The following LIPC variants were observed in gnomAD, a reference collection of about 807,000 sequenced individuals.
LIPC encodes the protein lipase C, hepatic type, also known as hepatic triacylglycerol lipase.
Under a neutral mutation model 50.7 loss-of-function variants are expected in LIPC, and 44 were observed. The observed-to-expected ratio is 0.87, with a 90% confidence interval of 0.68 to 1.11. LIPC has a LOEUF of 1.11. Ranked by LOEUF, LIPC falls within the 50% of genes most tolerant of loss-of-function variation. LIPC has a pLI of 0.00. For synonymous variants in LIPC, 271 were observed against 256.4 expected (o/e 1.06, Z -0.54); for missense variants, 697 against 648.2 (o/e 1.08, Z -0.82).
chr15:58,436,332 G>A, intron 1 of LIPC: 1 of 166,090 alleles, frequency 6.0e-6, no homozygotes, highest in Non-Finnish European at 1.3e-5. Context: ...TCTCATCCTA[G>A]GTGACCCCTG....
At chr15:58,471,073 C>T (rs1311818536) in intron 1 of LIPC, among the ~76,000 whole-genome samples, 6 of 149,546 alleles carry the variant, frequency 4.0e-5, no homozygotes, top group Non-Finnish European at 8.9e-5. Context: ...GGCCTCAGGA[C>T]ATACCCAATG....
At chr15:58,559,223 T>C (rs1894067543) in intron 6 of LIPC, among the ~76,000 whole-genome samples, 1 of 152,202 alleles carries the variant, frequency 6.6e-6, no homozygotes, top group Non-Finnish European at 1.5e-5. Context: ...AATTCTCCTA[T>C]GACAAAGCTT....
intron 1 of LIPC, among the ~76,000 whole-genome samples, chr15:58,438,268 G>A (rs1893377303): frequency 6.6e-6 from 1 of 152,110 alleles, no homozygotes; most frequent in Admixed American, 6.5e-5. Flanking sequence ...AGACAGGGCA[G>A]AACAGTCCCC....
chr15:58,521,668 G>C (rs532587172), intron 1 of LIPC: 1 of 152,696 alleles, frequency 6.5e-6, no homozygotes, highest in East Asian at 1.9e-4. Context: ...ATAGTAGGAG[G>C]GGAAGAAAGA....
chr15:58,494,722 G>A (rs777252330), intron 1 of LIPC: 8 of 454,290 alleles, frequency 1.8e-5, no homozygotes, highest in Non-Finnish European at 3.5e-5. Flanking sequence ...TACAGCTTGG[G>A]TGGGATCTCT....
At chr15:58,528,195 G>A (rs567496108) in intron 1 of LIPC, among the ~76,000 whole-genome samples, 1 of 151,482 alleles carries the variant, frequency 6.6e-6, no homozygotes. Context: ...AATGCTTAAT[G>A]CTTTCCTCAT....
chr15:58,565,947 T>C, intron 8 of LIPC: 1 of 983,594 alleles, frequency 1.0e-6, no homozygotes, highest in Non-Finnish European at 1.2e-6. Flanking sequence ...TTGTGGCTCT[T>C]GGTAGAAATA....
intron 6 of LIPC, among the ~76,000 whole-genome samples, chr15:58,552,384 C>T (rs1171503331): frequency 1.3e-5 from 2 of 152,200 alleles, no homozygotes; most frequent in Non-Finnish European, 2.9e-5. Context: ...CACTTGGCCT[C>T]GGCGTAGGAC....
At chr15:58,567,771 A>G (rs1445737728) in intron 8 of LIPC, among the ~76,000 whole-genome samples, 1 of 152,148 alleles carries the variant, frequency 6.6e-6, no homozygotes, top group African/African-American at 2.4e-5. Flanking sequence ...AGGAAAACAT[A>G]CACAACATGA....
At chr15:58,523,941 A>G (rs1461622523) in intron 1 of LIPC, among the ~76,000 whole-genome samples, 1 of 152,222 alleles carries the variant, frequency 6.6e-6, no homozygotes, top group African/African-American at 2.4e-5. Flanking sequence ...AAAAATACAA[A>G]GAAATAAAAG....
intron 5 of LIPC, among the ~76,000 whole-genome samples, chr15:58,547,698 C>G (rs1022872692): frequency 1.4e-5 from 2 of 147,380 alleles, no homozygotes; most frequent in Admixed American, 6.8e-5. Flanking sequence ...GGGGGTGAGG[C>G]CTGTCCAGAT....
chr15:58,536,310 TG>T (rs1310297868), intron 1 of LIPC, among the ~76,000 whole-genome samples: 6 of 151,682 alleles, frequency 4.0e-5, no homozygotes, highest in Non-Finnish European at 8.8e-5. Flanking sequence ...GAGGAGGAGG[TG>T]GGGGATGAGG....
intron 1 of LIPC, among the ~76,000 whole-genome samples, chr15:58,478,044 A>C (rs1359271624): frequency 6.6e-6 from 1 of 152,020 alleles, no homozygotes; most frequent in African/African-American, 2.4e-5. Context: ...CTCCTACCCC[A>C]GAAATGCCCA....
chr15:58,557,591 T>G (rs1894001231), intron 6 of LIPC, among the ~76,000 whole-genome samples: 1 of 152,020 alleles, frequency 6.6e-6, no homozygotes, highest in African/African-American at 2.4e-5. Flanking sequence ...TTCACCGTGT[T>G]AGCCAGGATG....
At chr15:58,542,206 G>T (rs1354289067) in intron 3 of LIPC, among the ~76,000 whole-genome samples, 1 of 152,048 alleles carries the variant, frequency 6.6e-6, no homozygotes, top group Admixed American at 6.5e-5. Context: ...TTCCTCTTAT[G>T]CTCACCCCCT....
At chr15:58,472,485 C>T (rs891000989) in intron 1 of LIPC, among the ~76,000 whole-genome samples, 3 of 148,380 alleles carry the variant, frequency 2.0e-5, no homozygotes, top group Non-Finnish European at 3.0e-5. Flanking sequence ...CTGAGGCATG[C>T]GAATCACTTG....
At position 58,541,979 on chromosome 15, in the gene LIPC, C is replaced by T. The variant is rs1184633576; in HGVS notation, c.456+12C>T. 2 of 1,602,090 alleles carry T rather than the reference C, an allele frequency of 1.2e-6. No homozygotes were observed. Among genetic ancestry groups the T allele is most frequent in the African/African-American group, 1.3e-5 (1 of 74,690 alleles). On this transcript the variant is annotated intron_variant, in intron 3 of 8. Transcript: ENST00000299022. ...TCCGGTGGCTGGAGGTACCGACCTG[C>T]CCCATCCTTCCTTCACCTCCCTTCC...
intron 2 of LIPC, 66 bp downstream of exon 2, chr15:58,538,583 T>C (rs1400336513): frequency 6.7e-6 from 10 of 1,486,790 alleles, no homozygotes; most frequent in Admixed American, 3.3e-5. Flanking sequence ...TTCTAGCGTG[T>C]TCATGTTCAT....
intron 1 of LIPC, chr15:58,437,009 A>C (rs888182502): frequency 1.3e-5 from 5 of 384,726 alleles, no homozygotes; most frequent in Non-Finnish European, 2.6e-5. Flanking sequence ...CCCAAGTGCA[A>C]ACCACTGAAG....
Sources: allele counts gnomAD v4.1 joint callset (sites outside exome capture counted in the v4.1 genomes callset), GRCh38; gene constraint gnomAD v4.1.1; transcripts MANE v1.5; gene names NCBI Gene and HGNC (gene_info 2026-07-23, HGNC 2026-07-21).